ADGRL3: variants seen among roughly 807,000 people sequenced by gnomAD.
ADGRL3 encodes adhesion G protein-coupled receptor L3.
In ADGRL3, 62 loss-of-function variants were observed where a neutral mutation model predicts 153.5. The ratio of observed to expected loss-of-function variants is 0.40; its 90% CI spans 0.33 to 0.50. ADGRL3 has a LOEUF of 0.50. Ranked by LOEUF, ADGRL3 falls within the 20% of genes least tolerant of loss-of-function variation. ADGRL3 has a pLI of 0.47. For missense variants in ADGRL3, 1,641 were observed against 1,859.4 expected, an observed-to-expected ratio of 0.88 and a Z score of 2.16; for synonymous variants, 710 against 672.5, an observed-to-expected ratio of 1.06 and a Z score of -0.86.
At chr4:61,765,788 C>T (rs1263407061) in intron 8 of ADGRL3, among the ~76,000 whole-genome samples, 1 of 152,026 alleles carries the variant, frequency 6.6e-6, no homozygotes, top group African/African-American at 2.4e-5. Context: ...GCTAATTTGC[C>T]AGTCCTGGGT....
chr4:61,813,805 A>C lies in ADGRL3; in HGVS notation c.1400-4A>C. 1 of 1,600,640 alleles carries C rather than the reference A, an allele frequency of 6.2e-7. No individual in the cohort carries two copies. Among genetic ancestry groups the C allele is most frequent in the South Asian group, 1.1e-5 (1 of 90,760 alleles). ...CTTCTTAACAATTTGTTTTGGGTCC[A>C]CAGGGCAGGCACATCATGGACAAGT... On this transcript the variant is annotated splice_region_variant and splice_polypyrimidine_tract_variant and intron_variant, in intron 8 of 26. Transcript: ENST00000683033.
chr4:61,538,173 C>A (rs990233731), intron 4 of ADGRL3, among the ~76,000 whole-genome samples: 1 of 151,932 alleles, frequency 6.6e-6, no homozygotes, highest in Non-Finnish European at 1.5e-5. Context: ...ACTTTTTTCC[C>A]CTTGAGGTCT....
chr4:61,209,471 A>C (rs1345859321), intron 1 of ADGRL3, among the ~76,000 whole-genome samples: 3 of 152,082 alleles, frequency 2.0e-5, no homozygotes, highest in Non-Finnish European at 4.4e-5. Flanking sequence ...CTTGAGTACC[A>C]TTATTAAGAA....
chr4:61,464,148 T>C (rs2097854142), intron 2 of ADGRL3, among the ~76,000 whole-genome samples: 1 of 152,220 alleles, frequency 6.6e-6, no homozygotes, highest in South Asian at 2.1e-4. Context: ...TGTAGATCCA[T>C]GACTTAGTGC....
chr4:62,060,001 G>A (rs1739195754), intron 25 of ADGRL3, among the ~76,000 whole-genome samples: 1 of 152,064 alleles, frequency 6.6e-6, no homozygotes, highest in African/African-American at 2.4e-5. Context: ...ATCTTTGATA[G>A]TTTCATTAGA....
At chr4:61,821,254 C>A (rs1197962447) in intron 9 of ADGRL3, among the ~76,000 whole-genome samples, 4 of 150,002 alleles carry the variant, frequency 2.7e-5, no homozygotes, top group Non-Finnish European at 5.9e-5. Context: ...ACTAATGATG[C>A]TATTTTGAAT....
At chr4:61,440,094 G>T (rs1010987247) in intron 2 of ADGRL3, among the ~76,000 whole-genome samples, 1 of 151,826 alleles carries the variant, frequency 6.6e-6, no homozygotes, top group African/African-American at 2.4e-5. Context: ...TGTCACTCAG[G>T]CTGAAGTACA....
chr4:61,572,533 A>G (rs1389327760), intron 4 of ADGRL3, among the ~76,000 whole-genome samples: 1 of 152,138 alleles, frequency 6.6e-6, no homozygotes, highest in Admixed American at 6.6e-5. Flanking sequence ...TTTAAAAGTA[A>G]TTTATGAGAT....
intron 1 of ADGRL3, among the ~76,000 whole-genome samples, chr4:61,324,812 C>G (rs2095433029): frequency 6.6e-6 from 1 of 152,128 alleles, no homozygotes; most frequent in Non-Finnish European, 1.5e-5. Context: ...TGTCTTGGCT[C>G]TTACTATTCC....
At chr4:61,870,787 T>C (rs769600465) in intron 9 of ADGRL3, among the ~76,000 whole-genome samples, 3 of 152,098 alleles carry the variant, frequency 2.0e-5, no homozygotes, top group Admixed American at 1.3e-4. Flanking sequence ...AAATGACAGA[T>C]AACTTTAAGT....
intron 2 of ADGRL3, among the ~76,000 whole-genome samples, chr4:61,456,358 T>G: frequency 7.0e-6 from 1 of 142,228 alleles, no homozygotes; most frequent in Admixed American, 7.1e-5. Flanking sequence ...GAGATATATA[T>G]AGAGATATAG....
At chr4:61,309,699 T>A (rs2094927361) in intron 1 of ADGRL3, among the ~76,000 whole-genome samples, 1 of 152,158 alleles carries the variant, frequency 6.6e-6, no homozygotes, top group Admixed American at 6.5e-5. Flanking sequence ...TAGATGGACA[T>A]TCTCCACAAA....
intron 1 of ADGRL3, among the ~76,000 whole-genome samples, chr4:61,339,733 G>A: frequency 6.6e-6 from 1 of 152,142 alleles, no homozygotes; most frequent in East Asian, 1.9e-4. Flanking sequence ...AACTAAAATT[G>A]TCTTGCCCTT....
chr4:61,538,606 A>AT (rs2098671485), intron 4 of ADGRL3, among the ~76,000 whole-genome samples: 2 of 151,782 alleles, frequency 1.3e-5, no homozygotes, highest in Admixed American at 6.6e-5. Flanking sequence ...CGCCCGGCTA[A>AT]TTTTTTTGTA....
At chr4:61,533,653 G>T (rs1161462405) in intron 4 of ADGRL3, among the ~76,000 whole-genome samples, 1 of 151,994 alleles carries the variant, frequency 6.6e-6, no homozygotes, top group African/African-American at 2.4e-5. Context: ...ATTGTAAAAT[G>T]GTTAGGTTGT....
rs146165385 is a variant in ADGRL3 at position 61,273,976 on chromosome 4, A to G, written c.-240+72211A>G. The stretch of plus-strand genomic sequence containing the variant: ...TTCTGACTCTTACAATAAAGACTCT[A>G]TTGTCTTTGGCAATCCCATTTATAA... On this transcript the variant is annotated intron_variant, in intron 1 of 26. Coordinates refer to ENST00000683033, the MANE Select transcript of ADGRL3 (RefSeq NM_001387552.1). Among the ~76,000 whole-genome samples the G allele has an allele frequency of 5.2e-3, 799 of 152,282 alleles. 8 individuals are homozygous for G. Among genetic ancestry groups the G allele is most frequent in the African/African-American group, 0.018 (760 of 41,576 alleles).
chr4:61,635,657 A>T (rs1215785203), intron 5 of ADGRL3, among the ~76,000 whole-genome samples: 1 of 152,158 alleles, frequency 6.6e-6, no homozygotes, highest in Non-Finnish European at 1.5e-5. Context: ...GCTCAGACCC[A>T]TTGTATGAGT....
chr4:61,210,511 AAC>A lies in ADGRL3; in HGVS notation c.-240+8748_-240+8749del, dbSNP rs572339684. On this transcript the variant is annotated intron_variant, in intron 1 of 26. Transcript: ENST00000683033. ...ACGCTGACCCTGTAAGAGGGTTTTCAACAGTCTCCTGTTTTGTTTTGATTTGG... is the reference window on the plus strand; with the variant it reads ...ACGCTGACCCTGTAAGAGGGTTTTCAAGTCTCCTGTTTTGTTTTGATTTGG... 8.0e-4 allele frequency among the ~76,000 whole-genome samples: 121 copies of A among 151,068 alleles called. 2 individuals carry two copies. The highest frequency in any genetic ancestry group is 2.7e-3 in the African/African-American group (113 of 41,240).
At chr4:61,899,880 G>A (rs1561437865) in intron 11 of ADGRL3, among the ~76,000 whole-genome samples, 1 of 152,160 alleles carries the variant, frequency 6.6e-6, no homozygotes, top group Non-Finnish European at 1.5e-5. Context: ...ACTAATCCCA[G>A]TCATTAGGGC....
Sources: allele counts gnomAD v4.1 joint callset (sites outside exome capture counted in the v4.1 genomes callset), GRCh38; gene constraint gnomAD v4.1.1; transcripts MANE v1.5; gene names NCBI Gene and HGNC (gene_info 2026-07-23, HGNC 2026-07-21).